MAMLD1: variants seen among roughly 807,000 people sequenced by gnomAD.
The protein encoded by MAMLD1 is mastermind like domain containing 1, also known as mastermind-like domain-containing protein 1.
In MAMLD1, 14 loss-of-function variants were observed where a neutral mutation model predicts 45.0. The observed-to-expected ratio is 0.31, with a 90% CI of 0.21 to 0.49. The LOEUF is 0.49. MAMLD1 is among the 20% of genes least tolerant of loss of function. The probability of loss-of-function intolerance (pLI) is 0.99; values close to 1 mark genes in which losing one functional copy is unlikely to be tolerated. For missense variants in MAMLD1, 543 were observed against 603.6 expected, an observed-to-expected ratio of 0.90 and a Z score of 1.05; for synonymous variants, 254 against 247.8, an observed-to-expected ratio of 1.02 and a Z score of -0.24.
intron 1 of MAMLD1, among the ~76,000 whole-genome samples, chrX:150,424,001 G>A (rs182309611): frequency 8.9e-6 from 1 of 112,508 alleles, no homozygotes; most frequent in Admixed American, 9.4e-5. Context: ...AGTCAATCAT[G>A]TGACAAGATG....
At chrX:150,388,920 A>G (rs1186058158) in intron 1 of MAMLD1, among the ~76,000 whole-genome samples, 3 of 112,310 alleles carry the variant, frequency 2.7e-5, no homozygotes, top group Non-Finnish European at 5.6e-5. Context: ...TTTAGCTTAC[A>G]TATTAATTTG....
At chrX:150,413,917 C>A (rs1397974552) in intron 1 of MAMLD1, among the ~76,000 whole-genome samples, 1 of 103,633 alleles carries the variant, frequency 9.6e-6, no homozygotes, top group Admixed American at 1.1e-4. Context: ...GCCTGGTCAT[C>A]GATGGCCAGG....
intron 1 of MAMLD1, among the ~76,000 whole-genome samples, chrX:150,383,606 T>C (rs1557401956): frequency 9.0e-6 from 1 of 111,412 alleles, no homozygotes. Context: ...CACAGTTTTA[T>C]TGATACCATT....
At chrX:150,429,060 T>C (rs2034820341) in intron 1 of MAMLD1, among the ~76,000 whole-genome samples, 1 of 111,720 alleles carries the variant, frequency 9.0e-6, no homozygotes, top group Non-Finnish European at 1.9e-5. Context: ...TAATGAGATC[T>C]GAGCTTCCAT....
chrX:150,500,091 G>A (rs782301963), intron 5 of MAMLD1, among the ~76,000 whole-genome samples: 1 of 112,333 alleles, frequency 8.9e-6, no homozygotes, highest in South Asian at 3.7e-4. Flanking sequence ...GGGCACCAGA[G>A]GGATTTAGAG....
At chrX:150,459,136 A>G (rs2035960163) in intron 2 of MAMLD1, among the ~76,000 whole-genome samples, 2 of 111,565 alleles carry the variant, frequency 1.8e-5, no homozygotes, top group South Asian at 3.8e-4. Context: ...TGTTTTTATC[A>G]TGCCAGGAAA....
In MAMLD1 at chrX:150,471,360, TGCAGCAGCA is replaced by T. The variant is rs781901620; in HGVS notation, c.1797_1805del (p.Gln604_Gln606del). Reference sequence around the variant, plus strand: ...TCCACGGCCACTGCCACCTTGCAGCTGCAGCAGCAGCAGCAGCAACAGCAGCAGCAGCCT... The same window carrying T: ...TCCACGGCCACTGCCACCTTGCAGCTGCAGCAGCAACAGCAGCAGCAGCCT... On this transcript the variant is annotated inframe_deletion, in exon 4 of 8. Coordinates refer to ENST00000370401, the MANE Select transcript of MAMLD1 (RefSeq NM_005491.5). The T allele has an allele frequency of 8.3e-7, 1 of 1,200,858 alleles. No homozygotes were observed. Among genetic ancestry groups the T allele is most frequent in the Non-Finnish European group, 1.1e-6 (1 of 887,424 alleles).
At chrX:150,449,749 C>G (rs1434826004) in intron 2 of MAMLD1, among the ~76,000 whole-genome samples, 3 of 110,680 alleles carry the variant, frequency 2.7e-5, no homozygotes, top group Non-Finnish European at 5.7e-5. Context: ...TGGCCCTGTG[C>G]TCGATCTTGA....
At chrX:150,364,831 A>AC (rs1449207856) in intron 1 of MAMLD1, among the ~76,000 whole-genome samples, 1 of 112,313 alleles carries the variant, frequency 8.9e-6, no homozygotes, top group East Asian at 2.8e-4. Context: ...CCCGGGGTAG[A>AC]CCCCCGCGGG....
chrX:150,474,153 C>T (rs1320375734), intron 5 of MAMLD1, among the ~76,000 whole-genome samples: 1 of 111,670 alleles, frequency 9.0e-6, no homozygotes, highest in Non-Finnish European at 1.9e-5. Flanking sequence ...CTTCACCTGC[C>T]TCTTCTCATT....
chrX:150,463,699 G>A (rs1011464916), intron 3 of MAMLD1, among the ~76,000 whole-genome samples: 1 of 111,469 alleles, frequency 9.0e-6, no homozygotes, highest in Non-Finnish European at 1.9e-5. Context: ...GATAGTTCTG[G>A]CAGAAGCCTG....
chrX:150,436,041 C>T (rs1052407885), intron 1 of MAMLD1, among the ~76,000 whole-genome samples: 1 of 111,883 alleles, frequency 8.9e-6, no homozygotes, highest in Non-Finnish European at 1.9e-5. Flanking sequence ...TGAATATAGG[C>T]CCCCAATCTT....
At chrX:150,382,114 G>A (rs1036960399) in intron 1 of MAMLD1, among the ~76,000 whole-genome samples, 1 of 110,952 alleles carries the variant, frequency 9.0e-6, no homozygotes, top group Non-Finnish European at 1.9e-5. Flanking sequence ...AAGTTTGATG[G>A]TTACACATTT....
rs1557402039 is a variant in MAMLD1 at position 150,386,285 on chromosome X, C to A, written c.-64+22755C>A. Among the ~76,000 whole-genome samples the A allele has an allele frequency of 4.5e-5, 5 of 111,673 alleles. No homozygotes were observed. In the South Asian group the frequency reaches 1.9e-3, roughly 42 times the overall value. The stretch of plus-strand genomic sequence containing the variant: ...ATTATGGCATATTCAATAGTGTAAT[C>A]CTTCCAGACTTTCATGATGTTCTTT... On this transcript the variant is annotated intron_variant, in intron 1 of 7. Coordinates refer to ENST00000370401, the MANE Select transcript of MAMLD1 (RefSeq NM_005491.5).
intron 7 of MAMLD1, 52 bp from the exon 8 acceptor site, chrX:150,511,952 A>G: frequency 9.8e-7 from 1 of 1,020,771 alleles, no homozygotes; most frequent in Non-Finnish European, 1.2e-6. Flanking sequence ...GCCACAGCCC[A>G]AGTCGAGGAT....
chrX:150,421,380 A>G (rs1215531103), intron 1 of MAMLD1, among the ~76,000 whole-genome samples: 2 of 112,614 alleles, frequency 1.8e-5, no homozygotes, highest in African/African-American at 6.5e-5. Context: ...ATGGAAATGG[A>G]GAAATCACCC....
At position 150,488,580 on chromosome X, in the gene MAMLD1, C is replaced by A. The variant is rs2037070820; in HGVS notation, c.2041-14694C>A. Among the ~76,000 whole-genome samples the A allele has an allele frequency of 4.4e-5, 5 of 112,855 alleles. No homozygotes were observed. In the Admixed American group the frequency reaches 4.7e-4, roughly 11 times the overall value. On this transcript the variant is annotated intron_variant, in intron 5 of 7. Transcript: ENST00000370401. Reference sequence around the variant, plus strand: ...CTTAAAATAATTTCTTTAGAGAAGCCAGATTATTTATTACAAATAACGTCT... The same window carrying A: ...CTTAAAATAATTTCTTTAGAGAAGCAAGATTATTTATTACAAATAACGTCT...
intron 2 of MAMLD1, among the ~76,000 whole-genome samples, chrX:150,447,545 A>G (rs2035530592): frequency 9.0e-6 from 1 of 111,649 alleles, no homozygotes; most frequent in Non-Finnish European, 1.9e-5. Flanking sequence ...TCAGAAAGGT[A>G]CCCAGTGCTA....
chrX:150,473,912 G>T (rs2036506930), intron 5 of MAMLD1, 110 bp downstream of exon 5: 6 of 866,947 alleles, frequency 6.9e-6, no homozygotes, highest in Non-Finnish European at 1.0e-5. Context: ...TAATTATTGG[G>T]GTCATGCAAA....
Sources: gnomAD v4.1 joint callset for allele counts (sites outside exome capture counted in the v4.1 genomes callset) on GRCh38, gnomAD v4.1.1 for gene constraint, MANE v1.5 for transcripts, NCBI Gene and HGNC (gene_info 2026-07-23, HGNC 2026-07-21) for gene names.